The following CDH13 variants were observed in gnomAD, a reference collection of about 807,000 sequenced individuals.
CDH13 encodes cadherin-13.
A neutral mutation model predicts 63.8 loss-of-function variants in CDH13; 24 were observed. The observed-to-expected ratio is 0.38, with a 90% CI of 0.27 to 0.53. The LOEUF (loss-of-function observed/expected upper bound fraction) is 0.53, where lower values mean the gene tolerates loss of function less well. Among genes scored for constraint, CDH13 ranks in the 20% least tolerant of loss-of-function variants. The probability of loss-of-function intolerance (pLI) is 0.85; values close to 1 mark genes in which losing one functional copy is unlikely to be tolerated. For synonymous variants in CDH13, 503 were observed against 355.3 expected, an observed-to-expected ratio of 1.42 and a Z score of -4.67; for missense variants, 1,049 against 903.1, an observed-to-expected ratio of 1.16 and a Z score of -2.07.
chr16:83,577,777 T>C (rs1905193540), intron 7 of CDH13, among the ~76,000 whole-genome samples: 1 of 152,216 alleles, frequency 6.6e-6, no homozygotes, highest in African/African-American at 2.4e-5. Flanking sequence ...TTTGCTCTGA[T>C]AATAAAGCTT....
At chr16:83,323,920 C>G (rs950025782) in intron 5 of CDH13, among the ~76,000 whole-genome samples, 8 of 152,194 alleles carry the variant, frequency 5.3e-5, no homozygotes. Flanking sequence ...AGGTTTTAAA[C>G]AGCCTTATTA....
intron 6 of CDH13, among the ~76,000 whole-genome samples, chr16:83,361,015 T>C (rs2091151598): frequency 6.6e-6 from 1 of 152,240 alleles, no homozygotes; most frequent in Admixed American, 6.5e-5. Flanking sequence ...ATTGCCAAAC[T>C]GCTTTCCACA....
Position 82,819,401 on chromosome 16 carries a change from G to A in CDH13, c.46-38961G>A, listed in dbSNP as rs370337399. Among the ~76,000 whole-genome samples the A allele has an allele frequency of 9.4e-4, 143 of 152,282 alleles. 1 individual carries two copies. The South Asian group carries it at 0.029, about 31-fold the overall frequency. ...CAAATGCTGGAATTACTATGAGAAA[G>A]GCATGGACTAGGGAGTCATGAAGTC... On this transcript the variant is annotated intron_variant, in intron 1 of 13. Coordinates refer to ENST00000567109, the MANE Select transcript of CDH13 (RefSeq NM_001257.5).
chr16:82,864,110 G>A (rs1237970385), intron 2 of CDH13, among the ~76,000 whole-genome samples: 5 of 152,222 alleles, frequency 3.3e-5, no homozygotes, highest in East Asian at 3.9e-4. Context: ...TATTTACTTC[G>A]CTTTTGTGGA....
At chr16:82,780,588 G>A (rs747493444) in intron 1 of CDH13, among the ~76,000 whole-genome samples, 1 of 152,044 alleles carries the variant, frequency 6.6e-6, no homozygotes, top group Non-Finnish European at 1.5e-5. Context: ...TTAATATTTT[G>A]ATCATTTAAA....
At chr16:82,676,219 C>A (rs1196779178) in intron 1 of CDH13, among the ~76,000 whole-genome samples, 1 of 152,188 alleles carries the variant, frequency 6.6e-6, no homozygotes, top group Admixed American at 6.5e-5. Flanking sequence ...GAGCTGTATA[C>A]CCACTGCCTA....
rs1221688446 is a variant in CDH13, at chr16:83,235,702, GT to G, written c.636+18208del. 2.0e-5 allele frequency among the ~76,000 whole-genome samples: 3 copies of G among 150,962 alleles called. No homozygotes were observed. In the East Asian group the frequency reaches 5.9e-4, roughly 30 times the overall value. On this transcript the variant is annotated intron_variant, in intron 5 of 13. Coordinates refer to ENST00000567109, the MANE Select transcript of CDH13 (RefSeq NM_001257.5). ...TTAAGATCTAGGTAATTTACTGCAA[GT>G]TTATTTTTATTGAAAATTATGTAGA...
intron 11 of CDH13, among the ~76,000 whole-genome samples, chr16:83,764,364 A>T (rs1914215582): frequency 1.3e-5 from 2 of 152,232 alleles, no homozygotes; most frequent in Non-Finnish European, 2.9e-5. Flanking sequence ...TGGAAGCCTG[A>T]CAGCAGGACA....
chr16:83,647,258 C>A (rs936089017), intron 8 of CDH13, among the ~76,000 whole-genome samples: 1 of 149,720 alleles, frequency 6.7e-6, no homozygotes, highest in East Asian at 2.0e-4. Flanking sequence ...TGCAGTGAAC[C>A]GAGATCATGC....
intron 2 of CDH13, among the ~76,000 whole-genome samples, chr16:82,990,836 C>G (rs1911573890): frequency 6.6e-6 from 1 of 152,030 alleles, no homozygotes; most frequent in African/African-American, 2.4e-5. Context: ...CCACTGTGCC[C>G]CACAGTATAT....
chr16:83,244,367 G>T (rs910625336), intron 5 of CDH13, among the ~76,000 whole-genome samples: 7 of 151,888 alleles, frequency 4.6e-5, no homozygotes, highest in Non-Finnish European at 8.8e-5. Context: ...GATACTCAAG[G>T]GTATGGCAAA....
At position 83,482,075 on chromosome 16, in the gene CDH13, C is replaced by T. The variant is rs116450850; in HGVS notation, c.782-4402C>T. Among the ~76,000 whole-genome samples the T allele has an allele frequency of 2.7e-3, 409 of 152,272 alleles. 2 individuals carry two copies. The highest frequency in any genetic ancestry group is 9.6e-3 in the African/African-American group (401 of 41,566). On this transcript the variant is annotated intron_variant, in intron 6 of 13. Coordinates refer to ENST00000567109, the MANE Select transcript of CDH13 (RefSeq NM_001257.5). The stretch of plus-strand genomic sequence containing the variant: ...CATTCCAGCAAGGACCTCCAAGGCG[C>T]ATTGAACAGGGAGCTCAGAGGCAGT...
chr16:82,803,492 T>C (rs2151164550), intron 1 of CDH13, among the ~76,000 whole-genome samples: 1 of 152,164 alleles, frequency 6.6e-6, no homozygotes, highest in East Asian at 1.9e-4. Flanking sequence ...ATAGGTCAAA[T>C]GTGAATTCCT....
intron 13 of CDH13, among the ~76,000 whole-genome samples, chr16:83,789,631 G>A (rs1403193635): frequency 6.6e-6 from 1 of 152,090 alleles, no homozygotes; most frequent in East Asian, 1.9e-4. Flanking sequence ...TTACAGGCGT[G>A]AGCCACCACG....
intron 2 of CDH13, among the ~76,000 whole-genome samples, chr16:82,927,765 A>C (rs568114516): frequency 1.5e-4 from 23 of 152,340 alleles, no homozygotes; most frequent in Admixed American, 1.2e-3. Context: ...CTCACCGCTC[A>C]GTCCTCAGCC....
chr16:82,712,356 C>T (rs1316723749), intron 1 of CDH13, among the ~76,000 whole-genome samples: 6 of 152,136 alleles, frequency 3.9e-5, no homozygotes, highest in African/African-American at 1.4e-4. Flanking sequence ...TATAAAAATG[C>T]TCCCTTCTGG....
intron 3 of CDH13, among the ~76,000 whole-genome samples, chr16:83,069,422 C>T (rs917797899): frequency 5.9e-5 from 9 of 152,132 alleles, no homozygotes; most frequent in Non-Finnish European, 8.8e-5. Context: ...ACACCTACTA[C>T]GTGCCAGGCA....
At chr16:83,311,265 C>A (rs1234919453) in intron 5 of CDH13, among the ~76,000 whole-genome samples, 2 of 152,114 alleles carry the variant, frequency 1.3e-5, no homozygotes, top group African/African-American at 4.8e-5. Flanking sequence ...AGCAAGTCAA[C>A]TTCTTATCAG....
chr16:83,791,299 C>G (rs989853393), intron 13 of CDH13, among the ~76,000 whole-genome samples: 8 of 152,094 alleles, frequency 5.3e-5, no homozygotes, highest in Admixed American at 3.3e-4. Flanking sequence ...GATTTCGAGA[C>G]TAGCCTGACC....
Sources: gnomAD v4.1 joint callset for allele counts (sites outside exome capture counted in the v4.1 genomes callset) on GRCh38, gnomAD v4.1.1 for gene constraint, MANE v1.5 for transcripts, NCBI Gene and HGNC (gene_info 2026-07-23, HGNC 2026-07-21) for gene names.